ASPG: variants seen among roughly 807,000 people sequenced by gnomAD.
ASPG encodes asparaginase.
In ASPG, 53 loss-of-function variants were observed where a neutral mutation model predicts 63.2. That is an observed-to-expected ratio of 0.84 (90% CI 0.67 to 1.05). The LOEUF is 1.05. ASPG is among the 50% of genes least tolerant of loss of function. ASPG has a pLI of 0.00. For synonymous variants in ASPG, 370 were observed against 355.0 expected, an observed-to-expected ratio of 1.04 and a Z score of -0.48; for missense variants, 741 against 794.4, an observed-to-expected ratio of 0.93 and a Z score of 0.81.
chr14:104,103,229 G>T (rs1052661995), intron 6 of ASPG, among the ~76,000 whole-genome samples: 4 of 152,206 alleles, frequency 2.6e-5, no homozygotes, highest in Non-Finnish European at 5.9e-5. Flanking sequence ...ATCTCTGCAG[G>T]ACCCTCCTGC....
In ASPG at chr14:104,095,518, GC is replaced by G. The variant is rs1275304269; in HGVS notation, c.304-9del. 1 of 1,612,156 alleles carries G rather than the reference GC, an allele frequency of 6.2e-7. No individual in the cohort carries two copies. The highest frequency in any genetic ancestry group is 1.3e-5 in the African/African-American group (1 of 74,904). The stretch of plus-strand genomic sequence containing the variant: ...GAGGGGCTGGCCTGCCTGAGCATGC[GC>G]CCCTCCTGCAGAGGCACTACGAGCA... On this transcript the variant is annotated splice_polypyrimidine_tract_variant and intron_variant, in intron 3 of 15. Transcript: ENST00000551177.
intron 3 of ASPG, 97 bp from the exon 4 acceptor site, chr14:104,095,434 C>A (rs1038087174): frequency 7.7e-6 from 12 of 1,552,640 alleles, no homozygotes; most frequent in Non-Finnish European, 8.7e-6. Context: ...TCCCCTGAGT[C>A]CTCCTCTCTG....
chr14:104,111,066 A>G (rs1404265078), intron 13 of ASPG: 1 of 985,320 alleles, frequency 1.0e-6, no homozygotes, highest in Non-Finnish European at 1.2e-6. Flanking sequence ...CGCCCCGGGA[A>G]GAGCGGTGTG....
intron 6 of ASPG, among the ~76,000 whole-genome samples, chr14:104,101,752 A>C (rs2036886667): frequency 6.6e-6 from 1 of 151,926 alleles, no homozygotes; most frequent in Admixed American, 6.5e-5. Flanking sequence ...CACTGGGAGA[A>C]GCCACCTCCC....
chr14:104,107,160 G>T, intron 11 of ASPG, 22 bp from the exon 12 acceptor site: 1 of 1,535,018 alleles, frequency 6.5e-7, no homozygotes, highest in Non-Finnish European at 8.8e-7. Flanking sequence ...CTCAGGGGTC[G>T]CATGTCCTTG....
intron 4 of ASPG, among the ~76,000 whole-genome samples, chr14:104,096,260 C>T (rs190711405): frequency 6.6e-5 from 10 of 152,320 alleles, no homozygotes; most frequent in East Asian, 1.9e-4. Context: ...ATGTTGCCTG[C>T]GGGTGGCAGT....
In ASPG at chr14:104,097,982, G is replaced by A. The variant is rs112098974; in HGVS notation, c.513+345G>A. On this transcript the variant is annotated intron_variant, in intron 5 of 15. Coordinates refer to ENST00000551177, the MANE Select transcript of ASPG (RefSeq NM_001080464.3). Reference sequence around the variant, plus strand: ...CGTATGGAGGTTCTGCGTTAGAGATGCGTATGGAGGTTCTGCGTTAGAGAT... The same window carrying A: ...CGTATGGAGGTTCTGCGTTAGAGATACGTATGGAGGTTCTGCGTTAGAGAT... 2.1e-3 allele frequency among the ~76,000 whole-genome samples: 208 copies of A among 100,858 alleles called. 6 individuals are homozygous for A. Among genetic ancestry groups the A allele is most frequent in the South Asian group, 3.5e-3 (8 of 2,266 alleles). 66.2% of individuals were successfully genotyped at this position (100,858 alleles called of 152,430 possible). A position where few individuals can be genotyped will look rare whatever the true frequency, so the allele number is the denominator to read the frequency against.
chr14:104,092,003 C>T (rs1002392172), intron 1 of ASPG, among the ~76,000 whole-genome samples: 2 of 151,932 alleles, frequency 1.3e-5, no homozygotes, highest in Non-Finnish European at 2.9e-5. Flanking sequence ...GGGACCAGCC[C>T]GTCTGTGCAC....
chr14:104,107,479 C>A, intron 12 of ASPG, 134 bp downstream of exon 12: 1 of 912,844 alleles, frequency 1.1e-6, no homozygotes, highest in South Asian at 3.6e-5. Flanking sequence ...AGGCTGCCCC[C>A]GCAGCCCGGG....
At position 104,110,083 on chromosome 14, in the gene ASPG, C is replaced by T. The variant is rs1280357552; in HGVS notation, c.1520+768C>T. 1 of 985,230 alleles carries T rather than the reference C, an allele frequency of 1.0e-6. No individual in the cohort carries two copies. The highest frequency in any genetic ancestry group is 1.2e-6 in the Non-Finnish European group (1 of 829,894). 61.0% of individuals were successfully genotyped at this position (985,230 alleles called of 1,614,324 possible). The stretch of plus-strand genomic sequence containing the variant: ...CTTGGCGCTGCCTCCTGTGCCCAGC[C>T]TGGGCTGCCCGAGGCCAGGACGACT... On this transcript the variant is annotated intron_variant, in intron 13 of 15. Coordinates refer to ENST00000551177, the MANE Select transcript of ASPG (RefSeq NM_001080464.3). This position sits in a 1 kb window ranked among gnomAD's most constrained non-coding sequence, Gnocchi z 4.7.
chr14:104,111,351 G>A, intron 13 of ASPG, 151 bp from the exon 14 acceptor site: 1 of 1,002,614 alleles, frequency 1.0e-6, no homozygotes, highest in Non-Finnish European at 1.4e-6. Flanking sequence ...ATGGCCCCCA[G>A]TGACTCCTGC....
intron 7 of ASPG, 55 bp downstream of exon 7, chr14:104,103,730 A>C: frequency 6.8e-7 from 1 of 1,465,782 alleles, no homozygotes; most frequent in Non-Finnish European, 9.2e-7. Flanking sequence ...AGCCCTCTGC[A>C]GCTCCCACGG....
intron 6 of ASPG, among the ~76,000 whole-genome samples, chr14:104,102,718 C>T (rs1483545924): frequency 1.3e-5 from 2 of 152,198 alleles, no homozygotes; most frequent in Non-Finnish European, 2.9e-5. Flanking sequence ...GCCTCCCACC[C>T]CCACCCACAT....
chr14:104,097,234 G>GGTGCA (rs1395705823), intron 4 of ASPG, among the ~76,000 whole-genome samples: 1 of 152,132 alleles, frequency 6.6e-6, no homozygotes, highest in Non-Finnish European at 1.5e-5. Flanking sequence ...TGAGGCCCTG[G>GGTGCA]GTGCAGGCTG....
chr14:104,110,880 G>C lies in ASPG; in HGVS notation c.1521-622G>C, dbSNP rs2037355399. The C allele has an allele frequency of 5.1e-6, 5 of 985,386 alleles. No individual in the cohort carries two copies. Among genetic ancestry groups the C allele is most frequent in the Non-Finnish European group, 6.0e-6 (5 of 829,900 alleles). 61.0% of individuals were successfully genotyped at this position (985,386 alleles called of 1,614,324 possible). A position where few individuals can be genotyped will look rare whatever the true frequency, so the allele number is the denominator to read the frequency against. ...TGGCAGGGTGAGGAGGAGCTGGTGAGGGCCTGGCAGGTGCTCCCCACTCCA... is the reference window on the plus strand; with the variant it reads ...TGGCAGGGTGAGGAGGAGCTGGTGACGGCCTGGCAGGTGCTCCCCACTCCA... On this transcript the variant is annotated intron_variant, in intron 13 of 15. Transcript: ENST00000551177. This position sits in a 1 kb window ranked among gnomAD's most constrained non-coding sequence, Gnocchi z 4.7.
chr14:104,092,625 G>T lies in ASPG; in HGVS notation c.83-8G>T. ...TGACCCCAGCATCCACCTGGACTCT[G>T]CCTGCAGTGCTTGTGCCCGGGACGG... On this transcript the variant is annotated splice_polypyrimidine_tract_variant and splice_region_variant and intron_variant, in intron 1 of 15. Transcript: ENST00000551177. 6.5e-7 allele frequency: 1 copy of T among 1,534,178 alleles called. No individual in the cohort carries two copies. Among genetic ancestry groups the T allele is most frequent in the Middle Eastern group, 2.2e-4 (1 of 4,548 alleles).
intron 1 of ASPG, among the ~76,000 whole-genome samples, chr14:104,087,673 C>T (rs977831694): frequency 6.6e-6 from 1 of 152,194 alleles, no homozygotes. Context: ...TGACGCTACC[C>T]CTTCAGGCTT....
At position 104,091,444 on chromosome 14, in the gene ASPG, G is replaced by A. The variant is rs1158906444; in HGVS notation, c.83-1189G>A. 2.0e-5 allele frequency among the ~76,000 whole-genome samples: 3 copies of A among 152,136 alleles called. No homozygotes were observed. The highest frequency in any genetic ancestry group is 4.8e-5 in the African/African-American group (2 of 41,418). ...CTACTGGCGGGGTGATTTTGTCAGC[G>A]GCTGCACCTCAGCCGGCCTGCATCT... is the stretch of plus-strand genomic sequence containing the variant. On this transcript the variant is annotated intron_variant, in intron 1 of 15. Coordinates refer to ENST00000551177, the MANE Select transcript of ASPG (RefSeq NM_001080464.3). This position sits in a 1 kb window ranked among gnomAD's most constrained non-coding sequence, Gnocchi z 6.4.
chr14:104,099,055 G>A (rs866460215), intron 6 of ASPG, 76 bp downstream of exon 6: 7 of 1,513,218 alleles, frequency 4.6e-6, no homozygotes, highest in Non-Finnish European at 6.2e-6. Flanking sequence ...GGGAGCTCGT[G>A]GCTGGGACTC....
Sources: gnomAD v4.1 joint callset for allele counts (sites outside exome capture counted in the v4.1 genomes callset) on GRCh38, gnomAD v4.1.1 for gene constraint, Gnocchi (gnomAD v3.1) non-coding constraint, MANE v1.5 for transcripts, NCBI Gene and HGNC (gene_info 2026-07-23, HGNC 2026-07-21) for gene names.